Variants in LYZL4 observed in about 807,000 individuals in gnomAD.
LYZL4 encodes lysozyme-like protein 4.
Under a neutral mutation model 17.6 loss-of-function variants are expected in LYZL4, and 13 were observed. That is an observed-to-expected ratio of 0.74 (90% CI 0.48 to 1.18). The LOEUF (loss-of-function observed/expected upper bound fraction) is 1.18, where lower values mean the gene tolerates loss of function less well. Ranked by LOEUF, LYZL4 falls within the 50% of genes most tolerant of loss-of-function variation. The pLI, the probability that LYZL4 is intolerant of heterozygous loss-of-function variation, is 0.00. For synonymous variants in LYZL4, 64 were observed against 67.7 expected, an observed-to-expected ratio of 0.95 and a Z score of 0.27; for missense variants, 174 against 188.2, an observed-to-expected ratio of 0.92 and a Z score of 0.44.
rs767560448 is a variant in LYZL4, at chr3:42,404,119, G to A, written c.298C>T (p.Leu100=). ...NRCHMSCSAL[L]NPNLEKTIKC... ...ATTGTCTTCTCTAAATTAGGATTCAGTAAAGCTGTGGGGAAAAGAAAATGG... is the reference window on the plus strand; with the variant it reads ...ATTGTCTTCTCTAAATTAGGATTCAATAAAGCTGTGGGGAAAAGAAAATGG... Residue 100 remains leucine, a synonymous_variant, in exon 4 of 5, where the codon CTG becomes TTG. Coordinates refer to ENST00000287748, the MANE Select transcript of LYZL4 (RefSeq NM_144634.4). 3.1e-6 allele frequency: 5 copies of A among 1,609,894 alleles called. No homozygotes were observed. In the Admixed American group the frequency reaches 6.7e-5, roughly 21 times the overall value.
chr3:42,398,355 G>A (rs1698592205), intron 4 of LYZL4, among the ~76,000 whole-genome samples: 1 of 152,132 alleles, frequency 6.6e-6, no homozygotes, highest in South Asian at 2.1e-4. Context: ...GCTTAGCATA[G>A]CTCCACTCAG....
intron 4 of LYZL4, among the ~76,000 whole-genome samples, chr3:42,397,558 C>T (rs1375073625): frequency 2.6e-5 from 4 of 152,204 alleles, no homozygotes; most frequent in African/African-American, 9.6e-5. Flanking sequence ...GTGCCCACAT[C>T]AGCCCCCAAC....
downstream of LYZL4, among the ~76,000 whole-genome samples, chr3:42,393,735 A>G (rs1182128936): frequency 6.6e-6 from 1 of 152,168 alleles, no homozygotes; most frequent in Non-Finnish European, 1.5e-5. Flanking sequence ...GGAAATATGG[A>G]TTCAGTAGGT....
intron 4 of LYZL4, among the ~76,000 whole-genome samples, chr3:42,401,390 T>C (rs1027440728): frequency 6.6e-6 from 1 of 152,010 alleles, no homozygotes; most frequent in African/African-American, 2.4e-5. Flanking sequence ...TTTGCATTTT[T>C]TTTTTAGTAG....
downstream of LYZL4, among the ~76,000 whole-genome samples, chr3:42,392,216 T>A (rs192449616): frequency 2.0e-5 from 3 of 152,152 alleles, no homozygotes; most frequent in Non-Finnish European, 4.4e-5. Flanking sequence ...AGGAACCAAG[T>A]GGAGAGGCCT....
chr3:42,384,254 A>G, the LYZL4 span, among the ~76,000 whole-genome samples: 2 of 152,244 alleles, frequency 1.3e-5, no homozygotes, highest in Non-Finnish European at 2.9e-5. Context: ...GACATTTCAG[A>G]CATGCAACAT....
rs532889865 is a variant in LYZL4, at chr3:42,397,268, C to T, written c.438G>A (p.Leu146=). ...GCTGCAGGGGCCATGCAGGTGGCTA[C>T]AGCTTGCAACCATCCAGCCACCGTG... The part of the protein sequence containing the change: ...TLARWLDGCK[L] Residue 146 remains leucine, a synonymous_variant, in exon 5 of 5, where the codon CTG becomes CTA. Coordinates refer to ENST00000287748, the MANE Select transcript of LYZL4 (RefSeq NM_144634.4). The T allele has an allele frequency of 1.1e-4, 175 of 1,563,472 alleles. 1 individual carries two copies. In the South Asian group the frequency reaches 2.0e-3, roughly 18 times the overall value.
At chr3:42,361,875 T>G in the LYZL4 span, among the ~76,000 whole-genome samples, 1 of 152,048 alleles carries the variant, frequency 6.6e-6, no homozygotes, top group African/African-American at 2.4e-5. Context: ...CACACCAGAG[T>G]GGTGCAGTTA....
At chr3:42,376,888 T>C in the LYZL4 span, among the ~76,000 whole-genome samples, 1 of 152,272 alleles carries the variant, frequency 6.6e-6, no homozygotes. Flanking sequence ...GGAAAGTTTC[T>C]TCCTATATTA....
chr3:42,384,068 G>A, the LYZL4 span, among the ~76,000 whole-genome samples: 2 of 152,168 alleles, frequency 1.3e-5, no homozygotes, highest in Non-Finnish European at 2.9e-5. Context: ...AAATTTCAAA[G>A]TGTTAGAGAC....
At chr3:42,360,869 A>T in the LYZL4 span, among the ~76,000 whole-genome samples, 1 of 152,098 alleles carries the variant, frequency 6.6e-6, no homozygotes, top group Non-Finnish European at 1.5e-5. Context: ...TTTTCTCGTC[A>T]TATCTGTGTT....
chr3:42,409,388 G>A (rs1055716081), intron 1 of LYZL4, among the ~76,000 whole-genome samples: 2 of 152,192 alleles, frequency 1.3e-5, no homozygotes, highest in African/African-American at 2.4e-5. Context: ...CATGTACCCT[G>A]GAACTTAAAT....
Position 42,404,118 on chromosome 3 carries a change from A to G in LYZL4, c.299T>C (p.Leu100Pro), listed in dbSNP as rs754880624. ...AATTGTCTTCTCTAAATTAGGATTC[A>G]GTAAAGCTGTGGGGAAAAGAAAATG... ...NRCHMSCSALLNPNLEKTIKC... is the reference protein window; with the variant it reads ...NRCHMSCSALPNPNLEKTIKC... Residue 100 changes from leucine (L) to proline (P), a missense_variant, in exon 4 of 5, where the codon CTG becomes CCG. By Grantham distance (98) the Leu-to-Pro change is moderately conservative. Transcript: ENST00000287748. 1.2e-6 allele frequency: 2 copies of G among 1,610,522 alleles called. No homozygotes were observed. Among genetic ancestry groups the G allele is most frequent in the East Asian group, 4.5e-5 (2 of 44,860 alleles).
At chr3:42,376,657 G>A in the LYZL4 span, among the ~76,000 whole-genome samples, 3 of 152,308 alleles carry the variant, frequency 2.0e-5, no homozygotes, top group South Asian at 6.2e-4. Flanking sequence ...CCTCTGGCGG[G>A]GGCGGATCTC....
At chr3:42,367,959 A>G in the LYZL4 span, among the ~76,000 whole-genome samples, 5 of 152,186 alleles carry the variant, frequency 3.3e-5, 1 homozygote, top group Non-Finnish European at 5.9e-5. Context: ...AGAGTGGAGC[A>G]CCCAGCATTT....
At chr3:42,400,428 C>G (rs1698634476) in intron 4 of LYZL4, among the ~76,000 whole-genome samples, 1 of 152,192 alleles carries the variant, frequency 6.6e-6, no homozygotes, top group Admixed American at 6.5e-5. Flanking sequence ...TATTCTACTT[C>G]TCTATGCCTT....
chr3:42,410,180 C>T (rs141067914), intron 1 of LYZL4, among the ~76,000 whole-genome samples: 13 of 152,282 alleles, frequency 8.5e-5, no homozygotes, highest in African/African-American at 1.4e-4. Context: ...AGTGTAAGCA[C>T]CAGGAATGCA....
At chr3:42,397,853 T>C (rs984277191) in intron 4 of LYZL4, among the ~76,000 whole-genome samples, 2 of 152,202 alleles carry the variant, frequency 1.3e-5, no homozygotes, top group African/African-American at 4.8e-5. Flanking sequence ...TCAGCTGCAC[T>C]GAGTTTCTCT....
the LYZL4 span, among the ~76,000 whole-genome samples, chr3:42,366,450 G>T: frequency 6.6e-6 from 1 of 152,146 alleles, no homozygotes; most frequent in African/African-American, 2.4e-5. Context: ...CTGCTGCGCT[G>T]GGTCTCCCTC....
Sources: gnomAD v4.1 joint callset for allele counts (sites outside exome capture counted in the v4.1 genomes callset) on GRCh38, gnomAD v4.1.1 for gene constraint, MANE v1.5 for transcripts, NCBI Gene and HGNC (gene_info 2026-07-23, HGNC 2026-07-21) for gene names.